FRMD1: variants seen among roughly 807,000 people sequenced by gnomAD.
FRMD1 encodes the protein FERM domain containing 1.
A neutral mutation model predicts 54.9 loss-of-function variants in FRMD1; 51 were observed. The ratio of observed to expected loss-of-function variants is 0.93; its 90% CI spans 0.74 to 1.17. The LOEUF (loss-of-function observed/expected upper bound fraction) is 1.17. FRMD1 is among the 50% of genes most tolerant of loss of function. The pLI, the probability that FRMD1 is intolerant of heterozygous loss-of-function variation, is 0.00. For synonymous variants in FRMD1, 324 were observed against 306.4 expected, an observed-to-expected ratio of 1.06 and a Z score of -0.60; for missense variants, 729 against 743.0, an observed-to-expected ratio of 0.98 and a Z score of 0.22.
intron 1 of FRMD1, among the ~76,000 whole-genome samples, chr6:168,091,179 G>A (rs981863728): frequency 1.7e-4 from 26 of 152,316 alleles, no homozygotes; most frequent in African/African-American, 6.3e-4. Context: ...CAACTTCCTG[G>A]TAACTAAAAT....
chr6:168,081,492 G>A, upstream of FRMD1: 2 of 1,534,644 alleles, frequency 1.3e-6, no homozygotes, highest in Non-Finnish European at 1.7e-6. Flanking sequence ...GAGCCCTGGA[G>A]TCCTCCTCGG....
At chr6:168,063,017 T>C (rs1799833287) in intron 6 of FRMD1, 58 bp from the exon 7 acceptor site, 2 of 1,417,950 alleles carry the variant, frequency 1.4e-6, no homozygotes, top group Non-Finnish European at 2.0e-6. Flanking sequence ...GCCTCACTGA[T>C]GGCAGAGTAT....
Position 168,062,936 on chromosome 6 carries a change from G to C in FRMD1, c.828C>G (p.Thr276=), listed in dbSNP as rs6909570. ...CCCTGAGGGCCAGTCCCAGGATCAC[G>C]GTGGGACGACCTTCCTTCTTATCCT... is the stretch of plus-strand genomic sequence containing the variant. ...LHKDKKEGRP[T]VILGLALRGV... The change falls in exon 7 of 11, where the codon ACC becomes ACG. Residue 276 remains threonine, a synonymous_variant. Transcript: ENST00000283309. 12 of 1,613,928 alleles carry C rather than the reference G, an allele frequency of 7.4e-6. No homozygotes were observed. The Admixed American group carries it at 1.7e-4, about 22-fold the overall frequency.
chr6:168,061,775 T>A (rs1428383197), intron 8 of FRMD1, 32 bp downstream of exon 8: 1 of 1,528,130 alleles, frequency 6.5e-7, no homozygotes, highest in Non-Finnish European at 8.8e-7. Flanking sequence ...ACAGTCCGGC[T>A]GCGGAGCCCA....
intron 2 of FRMD1, among the ~76,000 whole-genome samples, chr6:168,070,418 C>T (rs545945127): frequency 1.9e-4 from 27 of 142,170 alleles, no homozygotes; most frequent in Non-Finnish European, 3.8e-4. Flanking sequence ...ACATTTACAT[C>T]AGTAGACTTT....
At chr6:168,092,179 C>T (rs562425549) in intron 1 of FRMD1, among the ~76,000 whole-genome samples, 5 of 152,386 alleles carry the variant, frequency 3.3e-5, no homozygotes, top group African/African-American at 1.2e-4. Context: ...TGCTCTGAGG[C>T]TTGATGGGAC....
Position 168,065,012 on chromosome 6 carries a change from G to C in FRMD1, c.507C>G (p.Arg169=). 6.2e-7 allele frequency: 1 copy of C among 1,611,318 alleles called. No homozygotes were observed. The highest frequency in any genetic ancestry group is 8.5e-7 in the Non-Finnish European group (1 of 1,179,458). The change falls in exon 5 of 11, where the codon CGC becomes CGG. Residue 169 remains arginine (R), a synonymous_variant. Transcript: ENST00000283309. ...GGTGAGCGCACTGTGACCTCAGCAC[G>C]CGCTCCTTCAAGTGGCAGTAGTACA... ...RHLYYCHLKE[R]VLRSQCAHRE...
chr6:168,071,840 CCTGTTGCTCAAGG>C (rs1800323014), intron 2 of FRMD1, among the ~76,000 whole-genome samples: 1 of 152,232 alleles, frequency 6.6e-6, no homozygotes, highest in Admixed American at 6.5e-5. Flanking sequence ...CCCAGCCCCT[CCTGTTGCTCAAGG>C]CTGTCCCAGC....
chr6:168,080,260 C>G (rs1040516602), upstream of FRMD1, among the ~76,000 whole-genome samples: 1 of 152,094 alleles, frequency 6.6e-6, no homozygotes, highest in African/African-American at 2.4e-5. Flanking sequence ...GGACCCTGGA[C>G]TGACACTGGC....
intron 6 of FRMD1, 120 bp from the exon 7 acceptor site, chr6:168,063,079 GC>G: frequency 1.2e-6 from 1 of 800,264 alleles, no homozygotes; most frequent in Admixed American, 1.9e-5. Flanking sequence ...GAGCTCTGGG[GC>G]CCATTTACAG....
intron 1 of FRMD1, among the ~76,000 whole-genome samples, chr6:168,088,113 C>T (rs1184374473): frequency 6.6e-6 from 1 of 152,312 alleles, no homozygotes; most frequent in Admixed American, 6.5e-5. Context: ...GGTTAGGGCG[C>T]TCTTCGTTCC....
upstream of FRMD1, among the ~76,000 whole-genome samples, chr6:168,080,938 C>T (rs899067539): frequency 2.6e-5 from 4 of 151,906 alleles, no homozygotes; most frequent in Non-Finnish European, 5.9e-5. Flanking sequence ...CCAATGAGCT[C>T]CAAACATCAT....
In FRMD1 at chr6:168,056,439, T is replaced by C. The variant is rs1485412474; in HGVS notation, c.*658A>G. 1.3e-5 allele frequency: 2 copies of C among 152,252 alleles called. No homozygotes were observed. The highest frequency in any genetic ancestry group is 1.3e-4 in the Admixed American group (2 of 15,266). 9.4% of individuals were successfully genotyped at this position (152,252 alleles called of 1,614,324 possible). On this transcript the variant is annotated 3_prime_UTR_variant, in exon 11 of 11. Coordinates refer to ENST00000283309, the MANE Select transcript of FRMD1 (RefSeq NM_024919.6). ...CGGCTTCAGCTCCGGGGCAGTGGGG[T>C]CTTTGGAAGCCCTGGCTTGGAAGGG... is the stretch of plus-strand genomic sequence containing the variant.
intron 2 of FRMD1, among the ~76,000 whole-genome samples, chr6:168,067,806 G>C (rs946959416): frequency 2.0e-5 from 3 of 152,156 alleles, no homozygotes; most frequent in Non-Finnish European, 4.4e-5. Flanking sequence ...GGAATGAGTC[G>C]TTTAAAAAAT....
chr6:168,063,060 G>A, intron 6 of FRMD1, 101 bp from the exon 7 acceptor site: 1 of 956,690 alleles, frequency 1.0e-6, no homozygotes, highest in South Asian at 1.3e-5. Context: ...GGGCTCCATG[G>A]ACCAGGCTGA....
At chr6:168,065,441 C>T (rs776425880) in intron 4 of FRMD1, 482 of 1,014,786 alleles carry the variant, frequency 4.7e-4, no homozygotes, top group Middle Eastern at 2.0e-3. Flanking sequence ...TGGATGTGGA[C>T]AGACCTGGCT....
At chr6:168,066,617 C>A (rs768719479) in intron 4 of FRMD1, 138 bp downstream of exon 4, 2 of 1,429,266 alleles carry the variant, frequency 1.4e-6, no homozygotes, top group African/African-American at 1.4e-5. Flanking sequence ...AGCAAACAGC[C>A]GATATAGTGG....
intron 4 of FRMD1, 140 bp downstream of exon 4, chr6:168,066,615 G>A: frequency 2.1e-6 from 3 of 1,430,634 alleles, no homozygotes; most frequent in Non-Finnish European, 2.7e-6. Flanking sequence ...AAAGCAAACA[G>A]CCGATATAGT....
rs770407033 is a variant in FRMD1 at position 168,062,934 on chromosome 6, A to G, written c.830T>C (p.Val277Ala). Residue 277 changes from valine to alanine, a missense_variant, in exon 7 of 11, where the codon GTG (valine) becomes GCG (alanine). Transcript: ENST00000283309. ...TCCCCTGAGGGCCAGTCCCAGGATCACGGTGGGACGACCTTCCTTCTTATC... is the reference window on the plus strand; with the variant it reads ...TCCCCTGAGGGCCAGTCCCAGGATCGCGGTGGGACGACCTTCCTTCTTATC... ...HKDKKEGRPT[V>A]ILGLALRGVH... The G allele has an allele frequency of 6.2e-7, 1 of 1,614,098 alleles. No homozygotes were observed. The highest frequency in any genetic ancestry group is 8.5e-7 in the Non-Finnish European group (1 of 1,179,970).
Sources: gnomAD v4.1 joint callset for allele counts (sites outside exome capture counted in the v4.1 genomes callset) on GRCh38, gnomAD v4.1.1 for gene constraint, MANE v1.5 for transcripts, NCBI Gene and HGNC (gene_info 2026-07-23, HGNC 2026-07-21) for gene names.